The following MYOC variants were observed in gnomAD, a reference collection of about 807,000 sequenced individuals.
MYOC encodes juvenile-onset open-angle glaucoma 1.
In MYOC, 29 loss-of-function variants were observed where a neutral mutation model predicts 28.2. The ratio of observed to expected loss-of-function variants is 1.03; its 90% confidence interval spans 0.77 to 1.40. The LOEUF (loss-of-function observed/expected upper bound fraction) is 1.40, where lower values mean the gene tolerates loss of function less well. Among genes scored for constraint, MYOC ranks in the 40% most tolerant of loss-of-function variants. The pLI is 0.00. For synonymous variants in MYOC, 240 were observed against 245.6 expected, an observed-to-expected ratio of 0.98 and a Z score of 0.21; for missense variants, 569 against 620.6, an observed-to-expected ratio of 0.92 and a Z score of 0.88.
intron 1 of MYOC, among the ~76,000 whole-genome samples, chr1:171,641,164 T>G (rs985483716): frequency 1.2e-4 from 18 of 152,002 alleles, no homozygotes; most frequent in South Asian, 2.1e-4. Flanking sequence ...ATCTGGGAAC[T>G]GTTTGTACTT....
At chr1:171,642,641 G>C (rs572423466) in intron 1 of MYOC, among the ~76,000 whole-genome samples, 8 of 149,050 alleles carry the variant, frequency 5.4e-5, no homozygotes, top group Non-Finnish European at 8.9e-5. Context: ...AAAAAAGAAA[G>C]ACTCATAAGC....
At chr1:171,641,209 T>TA (rs35324722) in intron 1 of MYOC, among the ~76,000 whole-genome samples, 94,353 of 150,776 alleles carry the variant, frequency 0.63, 29,842 homozygotes, top group East Asian at 0.75. Context: ...AAAACTGCTC[T>TA]AAAAAAAAAT....
At chr1:171,649,064 A>T (rs1185253955) in intron 1 of MYOC, among the ~76,000 whole-genome samples, 1 of 151,926 alleles carries the variant, frequency 6.6e-6, no homozygotes, top group African/African-American at 2.4e-5. Context: ...GAAAATTTAT[A>T]TAAGCCCAGA....
Position 171,638,703 on chromosome 1 carries a change from G to T in MYOC, c.624C>A (p.Asp208Glu). The change falls in exon 2 of 3, where the codon GAC (aspartate) becomes GAA (glutamate). Residue 208 changes from aspartate (D) to glutamate (E), a missense_variant. Coordinates refer to ENST00000037502, the MANE Select transcript of MYOC (RefSeq NM_000261.2). ...ACTTCAGTTCCTGGAAGGCCAAAGT[G>T]TCCAAATTCCACGTAGAAACTGCAT... is the stretch of plus-strand genomic sequence containing the variant. ...GSREVSTWNL[D>E]TLAFQELKSE... 1.2e-6 allele frequency: 2 copies of T among 1,614,128 alleles called. No homozygotes were observed. The highest frequency in any genetic ancestry group is 2.2e-5 in the East Asian group (1 of 44,878).
intron 2 of MYOC, 75 bp downstream of exon 2, chr1:171,638,522 C>T: frequency 6.3e-7 from 1 of 1,581,768 alleles, no homozygotes; most frequent in Admixed American, 1.7e-5. Context: ...TTACCCTATA[C>T]TGATTCTCTG....
At chr1:171,650,079 G>A (rs1465724118) in intron 1 of MYOC, among the ~76,000 whole-genome samples, 1 of 151,990 alleles carries the variant, frequency 6.6e-6, no homozygotes, top group Non-Finnish European at 1.5e-5. Context: ...TTCAAAAGTG[G>A]AGTAGCTGGA....
chr1:171,636,767 A>G (rs1652933962), intron 2 of MYOC, 58 bp from the exon 3 acceptor site: 4 of 1,566,704 alleles, frequency 2.6e-6, no homozygotes, highest in Non-Finnish European at 3.5e-6. Context: ...TTCCAAACAC[A>G]GACAATGATC....
intron 1 of MYOC, among the ~76,000 whole-genome samples, chr1:171,645,155 C>A (rs1222017934): frequency 6.6e-6 from 1 of 152,210 alleles, no homozygotes; most frequent in Non-Finnish European, 1.5e-5. Flanking sequence ...TCCTGTCCTG[C>A]GTCCATAGGT....
At position 171,645,110 on chromosome 1, in the gene MYOC, G is replaced by C. The variant is rs575226643; in HGVS notation, c.605-6388C>G. On this transcript the variant is annotated intron_variant, in intron 1 of 2. Coordinates refer to ENST00000037502, the MANE Select transcript of MYOC (RefSeq NM_000261.2). ...TGAACTATCTCAGTAGAGGGCGCTGGAGGGACATCGTGGGAGGAAAAAGGT... is the reference window on the plus strand; with the variant it reads ...TGAACTATCTCAGTAGAGGGCGCTGCAGGGACATCGTGGGAGGAAAAAGGT... Among the ~76,000 whole-genome samples the C allele has an allele frequency of 2.0e-5, 3 of 152,286 alleles. No homozygotes were observed. In the South Asian group the frequency reaches 6.2e-4, roughly 32 times the overall value.
At chr1:171,650,525 C>G (rs1653329374) in intron 1 of MYOC, among the ~76,000 whole-genome samples, 2 of 152,164 alleles carry the variant, frequency 1.3e-5, no homozygotes, top group African/African-American at 4.8e-5. Flanking sequence ...TTATTCACAG[C>G]AGGAATTTTC....
At chr1:171,647,288 G>T (rs1235397221) in intron 1 of MYOC, among the ~76,000 whole-genome samples, 1 of 152,222 alleles carries the variant, frequency 6.6e-6, no homozygotes, top group African/African-American at 2.4e-5. Context: ...CACTTTGGGA[G>T]GCTGAGGCGG....
At chr1:171,643,185 G>A (rs778698328) in intron 1 of MYOC, among the ~76,000 whole-genome samples, 1 of 152,182 alleles carries the variant, frequency 6.6e-6, no homozygotes, top group Non-Finnish European at 1.5e-5. Flanking sequence ...GTCAAATGGA[G>A]TTTCCTTAGA....
intron 2 of MYOC, among the ~76,000 whole-genome samples, chr1:171,636,983 G>A (rs1652938996): frequency 1.3e-5 from 2 of 152,174 alleles, no homozygotes; most frequent in South Asian, 4.1e-4. Context: ...AATTATATAT[G>A]TTAAGTGCTT....
chr1:171,652,033 C>G lies in MYOC; in HGVS notation c.579G>C (p.Arg193=). ...GQCPQTRDTA[R]AVPPGSREVS... ...CTTCTCTGGAGCCTGGTGGCACAGC[C>G]CGAGCAGTGTCTCGGGTCTGGGGAC... is the stretch of plus-strand genomic sequence containing the variant. Residue 193 remains arginine (R), a synonymous_variant, in exon 1 of 3, where the codon CGG becomes CGC. Coordinates refer to ENST00000037502, the MANE Select transcript of MYOC (RefSeq NM_000261.2). The G allele has an allele frequency of 6.2e-7, 1 of 1,614,196 alleles. No individual in the cohort carries two copies. Among genetic ancestry groups the G allele is most frequent in the Non-Finnish European group, 8.5e-7 (1 of 1,180,048 alleles).
Position 171,636,552 on chromosome 1 carries a change from G to GC in MYOC, c.887dup (p.Gln297ProfsTer4). 6.2e-7 allele frequency: 1 copy of GC among 1,608,994 alleles called. No homozygotes were observed. Among genetic ancestry groups the GC allele is most frequent in the Non-Finnish European group, 8.5e-7 (1 of 1,176,606 alleles). ...TGATGAGGTCATACTCAAAAACCTG[G>GC]CGGACATCCGTGCCAACTGTGTCGA... On this transcript the variant is annotated frameshift_variant, in exon 3 of 3. Coordinates refer to ENST00000037502, the MANE Select transcript of MYOC (RefSeq NM_000261.2). LOFTEE classifies it low-confidence loss of function (END_TRUNC).
chr1:171,642,909 A>G (rs540686305), intron 1 of MYOC, among the ~76,000 whole-genome samples: 1 of 150,128 alleles, frequency 6.7e-6, no homozygotes, highest in East Asian at 1.9e-4. Flanking sequence ...AAAAAAAGAC[A>G]CAATCAGTCC....
chr1:171,644,645 G>A (rs113795205), intron 1 of MYOC, among the ~76,000 whole-genome samples: 73 of 148,030 alleles, frequency 4.9e-4, no homozygotes, highest in African/African-American at 1.8e-3. Context: ...CCCATTTCAA[G>A]TAATTTTTAT....
At chr1:171,651,918 G>A in intron 1 of MYOC, 90 bp downstream of exon 1, 1 of 1,574,360 alleles carries the variant, frequency 6.4e-7, no homozygotes. Context: ...TAGGAGAAAG[G>A]GCAGGCAGGG....
Position 171,648,227 on chromosome 1 carries a change from G to A in MYOC, c.604+3781C>T, listed in dbSNP as rs936905219. On this transcript the variant is annotated intron_variant, in intron 1 of 2. Coordinates refer to ENST00000037502, the MANE Select transcript of MYOC (RefSeq NM_000261.2). ...AAATCAGTCTGCAAGAACAAACCTC[G>A]TCCCCACATCTGAGTATCAGGGAAG... is the stretch of plus-strand genomic sequence containing the variant. 4.6e-5 allele frequency among the ~76,000 whole-genome samples: 7 copies of A among 151,048 alleles called. No homozygotes were observed. In the South Asian group the frequency reaches 6.3e-4, roughly 14 times the overall value.
Sources: gnomAD v4.1 joint callset for allele counts (sites outside exome capture counted in the v4.1 genomes callset) on GRCh38, gnomAD v4.1.1 for gene constraint, MANE v1.5 for transcripts, NCBI Gene and HGNC (gene_info 2026-07-23, HGNC 2026-07-21) for gene names.